ERBB4: variants seen among roughly 807,000 people sequenced by gnomAD.
The protein encoded by ERBB4 is receptor tyrosine-protein kinase erbB-4.
A neutral mutation model predicts 158.0 loss-of-function variants in ERBB4; 42 were observed. The observed-to-expected ratio is 0.27, with a 90% CI of 0.21 to 0.34. The LOEUF (loss-of-function observed/expected upper bound fraction) is 0.34, where lower values mean the gene tolerates loss of function less well. Ranked by LOEUF, ERBB4 falls within the 10% of genes least tolerant of loss-of-function variation. ERBB4 has a pLI of 1.00. For synonymous variants in ERBB4, 583 were observed against 558.7 expected, an observed-to-expected ratio of 1.04 and a Z score of -0.61; for missense variants, 1,333 against 1,624.1, an observed-to-expected ratio of 0.82 and a Z score of 3.08.
chr2:211,676,277 C>T (rs1046219635), intron 13 of ERBB4, among the ~76,000 whole-genome samples: 5 of 152,132 alleles, frequency 3.3e-5, no homozygotes, highest in African/African-American at 1.2e-4. Context: ...TTCAAACTAG[C>T]CCCATGCTTA....
intron 2 of ERBB4, among the ~76,000 whole-genome samples, chr2:212,036,520 AG>A: frequency 6.6e-6 from 1 of 150,590 alleles, no homozygotes; most frequent in African/African-American, 2.4e-5. Flanking sequence ...GCTGGAGTGC[AG>A]TGGAGTGATC....
intron 2 of ERBB4, among the ~76,000 whole-genome samples, chr2:211,965,973 A>G (rs1285624879): frequency 6.6e-6 from 1 of 152,172 alleles, no homozygotes; most frequent in Non-Finnish European, 1.5e-5. Flanking sequence ...GCACTTTGGG[A>G]GGCCAGGGCA....
At chr2:212,257,721 GAAGC>G (rs1401413336) in intron 1 of ERBB4, among the ~76,000 whole-genome samples, 1 of 152,076 alleles carries the variant, frequency 6.6e-6, no homozygotes, top group Non-Finnish European at 1.5e-5. Context: ...CTCTCTTAAT[GAAGC>G]AAGTAAACAA....
chr2:211,732,241 T>C (rs1269804697), intron 5 of ERBB4, among the ~76,000 whole-genome samples: 1 of 152,154 alleles, frequency 6.6e-6, no homozygotes, highest in Non-Finnish European at 1.5e-5. Flanking sequence ...GGCTTCATCA[T>C]AAGCCTATAT....
rs147202532 is a variant in ERBB4, at chr2:212,519,607, A to C, written c.82+18842T>G. Among the ~76,000 whole-genome samples, 10 of 152,092 alleles carry C rather than the reference A, an allele frequency of 6.6e-5. No individual in the cohort carries two copies. The East Asian group carries it at 1.9e-3, about 29-fold the overall frequency. The stretch of plus-strand genomic sequence containing the variant: ...TAATGTAGATGACTATTCAGCCATT[A>C]AGAAAATAATGAAATTGTTTCATTT... On this transcript the variant is annotated intron_variant, in intron 1 of 27. Coordinates refer to ENST00000342788, the MANE Select transcript of ERBB4 (RefSeq NM_005235.3).
intron 2 of ERBB4, among the ~76,000 whole-genome samples, chr2:212,005,238 C>T (rs921050900): frequency 6.6e-6 from 1 of 151,984 alleles, no homozygotes; most frequent in African/African-American, 2.4e-5. Flanking sequence ...CTGGAGTTAG[C>T]CATAAAGCAG....
At chr2:211,409,725 G>A (rs186843093) in intron 25 of ERBB4, among the ~76,000 whole-genome samples, 1 of 152,138 alleles carries the variant, frequency 6.6e-6, no homozygotes, top group East Asian at 1.9e-4. Context: ...GACCAGGGGT[G>A]GGGGGAACCA....
intron 7 of ERBB4, among the ~76,000 whole-genome samples, chr2:211,721,797 C>G (rs958522690): frequency 5.9e-5 from 9 of 151,930 alleles, no homozygotes; most frequent in African/African-American, 2.2e-4. Context: ...TAACTAATTA[C>G]TTTTTTGGAG....
chr2:211,939,682 T>A (rs1162365716), intron 3 of ERBB4, among the ~76,000 whole-genome samples: 1 of 152,142 alleles, frequency 6.6e-6, no homozygotes, highest in East Asian at 1.9e-4. Context: ...GCATGGTGGC[T>A]CACACCTGTA....
intron 1 of ERBB4, among the ~76,000 whole-genome samples, chr2:212,287,873 G>A (rs1167545161): frequency 6.6e-6 from 1 of 152,106 alleles, no homozygotes; most frequent in Non-Finnish European, 1.5e-5. Context: ...CGGACACATA[G>A]AGGGCAACAA....
At chr2:211,495,471 C>T (rs900889589) in intron 20 of ERBB4, among the ~76,000 whole-genome samples, 1 of 152,070 alleles carries the variant, frequency 6.6e-6, no homozygotes, top group African/African-American at 2.4e-5. Context: ...CTCCTATCTG[C>T]AACACTGATG....
At chr2:211,593,727 T>C (rs1224182374) in intron 19 of ERBB4, among the ~76,000 whole-genome samples, 1 of 152,224 alleles carries the variant, frequency 6.6e-6, no homozygotes, top group Non-Finnish European at 1.5e-5. Context: ...TATTTATTGA[T>C]ACACTATGTG....
intron 3 of ERBB4, among the ~76,000 whole-genome samples, chr2:211,795,837 C>A (rs1482152381): frequency 6.6e-6 from 1 of 151,708 alleles, no homozygotes; most frequent in African/African-American, 2.4e-5. Context: ...AGTATTCATT[C>A]TGGGTGATCA....
In ERBB4 at chr2:211,865,548, C is replaced by T. The variant is rs550953622; in HGVS notation, c.422-77389G>A. Among the ~76,000 whole-genome samples, 10 of 152,128 alleles carry T rather than the reference C, an allele frequency of 6.6e-5. No homozygotes were observed. In the East Asian group the frequency reaches 7.7e-4, roughly 12 times the overall value. On this transcript the variant is annotated intron_variant, in intron 3 of 27. Transcript: ENST00000342788. ...TGTTTCCCAGGCTGGAGTGCAATGG[C>T]GTGACCTTGGCTCACTGCAACTTCT...
chr2:211,707,097 T>C (rs888916667), intron 9 of ERBB4, among the ~76,000 whole-genome samples: 1 of 152,178 alleles, frequency 6.6e-6, no homozygotes, highest in African/African-American at 2.4e-5. Context: ...CTTGGCTTTA[T>C]TGAGAAAAAC....
At chr2:211,732,435 C>T (rs75516634) in intron 5 of ERBB4, among the ~76,000 whole-genome samples, 4,119 of 152,118 alleles carry the variant, frequency 0.027, 255 homozygotes, top group East Asian at 0.19. Context: ...CAATCATACA[C>T]ATTTTCACAA....
chr2:212,199,800 C>A (rs2082538905), intron 1 of ERBB4, among the ~76,000 whole-genome samples: 1 of 152,098 alleles, frequency 6.6e-6, no homozygotes, highest in African/African-American at 2.4e-5. Flanking sequence ...AAAAACGATT[C>A]TCTTGTCTGA....
intron 2 of ERBB4, among the ~76,000 whole-genome samples, chr2:212,067,841 T>C (rs776588691): frequency 6.6e-6 from 1 of 152,174 alleles, no homozygotes; most frequent in South Asian, 2.1e-4. Context: ...TGCGGGTAAC[T>C]TGCAAATTGT....
chr2:212,105,483 A>T (rs896116420), intron 2 of ERBB4, among the ~76,000 whole-genome samples: 11 of 152,168 alleles, frequency 7.2e-5, no homozygotes, highest in Non-Finnish European at 4.4e-5. Flanking sequence ...TAAGGCTCTG[A>T]GTCTTTAGCA....
Sources: allele counts gnomAD v4.1 joint callset (sites outside exome capture counted in the v4.1 genomes callset), GRCh38; gene constraint gnomAD v4.1.1; transcripts MANE v1.5; gene names NCBI Gene and HGNC (gene_info 2026-07-23, HGNC 2026-07-21).